The following ROBO2 variants were observed in gnomAD, a reference collection of about 807,000 sequenced individuals.
The protein encoded by ROBO2 is roundabout homolog 2.
In ROBO2, 53 loss-of-function variants were observed where a neutral mutation model predicts 160.8. The observed-to-expected ratio is 0.33, with a 90% confidence interval of 0.26 to 0.41. ROBO2 has a LOEUF of 0.41. Ranked by LOEUF, ROBO2 falls within the 10% of genes least tolerant of loss-of-function variation. The probability of loss-of-function intolerance (pLI) is 1.00; values close to 1 mark genes in which losing one functional copy is unlikely to be tolerated. For missense variants in ROBO2, 1,577 were observed against 1,722.4 expected, an observed-to-expected ratio of 0.92 and a Z score of 1.49; for synonymous variants, 664 against 611.7, an observed-to-expected ratio of 1.09 and a Z score of -1.26.
At chr3:76,879,001 G>T (rs1325449282) in intron 2 of ROBO2, among the ~76,000 whole-genome samples, 1 of 152,136 alleles carries the variant, frequency 6.6e-6, no homozygotes, top group Non-Finnish European at 1.5e-5. Context: ...TCAGAAATAT[G>T]TAGAGGGAAT....
intron 2 of ROBO2, among the ~76,000 whole-genome samples, chr3:77,404,921 T>C (rs2076136903): frequency 6.6e-6 from 1 of 152,170 alleles, no homozygotes; most frequent in African/African-American, 2.4e-5. Context: ...TGATGTCTTC[T>C]CTTGTCTGAA....
intron 2 of ROBO2, among the ~76,000 whole-genome samples, chr3:76,949,985 A>G (rs1213687506): frequency 6.6e-6 from 1 of 152,232 alleles, no homozygotes; most frequent in Non-Finnish European, 1.5e-5. Context: ...AGCTGAACCT[A>G]TTCTCTTTCT....
intron 2 of ROBO2, among the ~76,000 whole-genome samples, chr3:76,168,785 G>T (rs1182417184): frequency 1.3e-5 from 2 of 151,596 alleles, no homozygotes; most frequent in Admixed American, 1.3e-4. Flanking sequence ...AAATATAAGT[G>T]TAATGCAATG....
chr3:76,552,333 A>G (rs1330960631), intron 2 of ROBO2, among the ~76,000 whole-genome samples: 1 of 152,190 alleles, frequency 6.6e-6, no homozygotes. Flanking sequence ...TCATGAAGAG[A>G]AATCCAGATT....
intron 1 of ROBO2, among the ~76,000 whole-genome samples, chr3:77,073,604 C>T (rs557226022): frequency 8.5e-5 from 13 of 152,188 alleles, no homozygotes; most frequent in Non-Finnish European, 1.9e-4. Context: ...CTGTTAACCA[C>T]TTTAAAGCAA....
At chr3:77,563,246 T>A (rs1448130545) in exon 11 of ROBO2, 1 of 1,613,586 alleles carries the variant, frequency 6.2e-7, no homozygotes, top group Non-Finnish European at 8.5e-7. Context: ...TCACTGATGT[T>A]ACTAAGAACA....
intron 2 of ROBO2, among the ~76,000 whole-genome samples, chr3:76,349,905 G>A (rs970127282): frequency 5.9e-5 from 9 of 152,160 alleles, no homozygotes; most frequent in Admixed American, 2.0e-4. Flanking sequence ...AAGCATGCCC[G>A]CCCATTGCTC....
At chr3:76,665,245 T>C (rs1200829320) in intron 2 of ROBO2, among the ~76,000 whole-genome samples, 1 of 152,142 alleles carries the variant, frequency 6.6e-6, no homozygotes, top group African/African-American at 2.4e-5. Flanking sequence ...TAAGTCCTGA[T>C]AACATCCAAC....
intron 2 of ROBO2, among the ~76,000 whole-genome samples, chr3:76,229,342 T>A (rs1284385933): frequency 6.6e-6 from 1 of 152,142 alleles, no homozygotes; most frequent in Non-Finnish European, 1.5e-5. Context: ...CCAATGAAAC[T>A]AGACCAGTTT....
At chr3:75,994,460 G>C (rs2065668186) in intron 2 of ROBO2, among the ~76,000 whole-genome samples, 1 of 152,142 alleles carries the variant, frequency 6.6e-6, no homozygotes, top group Admixed American at 6.5e-5. Context: ...TCATGATAAT[G>C]AGTGAGTTCT....
chr3:76,890,618 T>C (rs1041997123), intron 2 of ROBO2, among the ~76,000 whole-genome samples: 28 of 152,174 alleles, frequency 1.8e-4, no homozygotes, highest in Non-Finnish European at 3.4e-4. Flanking sequence ...AAATATATAT[T>C]GCTATGGTGA....
rs1173924890 is a variant in ROBO2, at chr3:76,038,786, G to GTA, written c.109+101185_109+101186insAT. 6.3e-5 allele frequency among the ~76,000 whole-genome samples: 7 copies of GTA among 110,398 alleles called. No homozygotes were observed. The East Asian group carries it at 1.7e-3, about 27-fold the overall frequency. 72.4% of individuals were successfully genotyped at this position (110,398 alleles called of 152,430 possible). Reference sequence around the variant, plus strand: ...AAACTGCGTGTGTGTGTGTGTGTGTGTGTGTATGTATGTGTGTGTGTGTGT... The same window carrying GTA: ...AAACTGCGTGTGTGTGTGTGTGTGTGTATGTGTATGTATGTGTGTGTGTGTGT... On this transcript the variant is annotated intron_variant, in intron 2 of 26. Coordinates refer to the ROBO2 transcript ENST00000487694.
intron 2 of ROBO2, among the ~76,000 whole-genome samples, chr3:77,292,695 GC>G (rs2061456504): frequency 2.1e-5 from 2 of 95,630 alleles, no homozygotes; most frequent in Non-Finnish European, 2.9e-5. Context: ...GTAAGCTGAG[GC>G]TAGATCACCC....
At chr3:77,375,716 A>C (rs1308006754) in intron 2 of ROBO2, among the ~76,000 whole-genome samples, 1 of 152,178 alleles carries the variant, frequency 6.6e-6, no homozygotes, top group African/African-American at 2.4e-5. Flanking sequence ...TCTTCCTTTC[A>C]TTCTAGGACA....
intron 2 of ROBO2, among the ~76,000 whole-genome samples, chr3:76,384,634 G>A (rs2076794047): frequency 6.6e-6 from 1 of 152,148 alleles, no homozygotes; most frequent in Non-Finnish European, 1.5e-5. Flanking sequence ...GGACTGGGGA[G>A]GCCTCAAGAA....
chr3:77,025,190 T>G (rs988525080), intron 2 of ROBO2, among the ~76,000 whole-genome samples: 1 of 152,204 alleles, frequency 6.6e-6, no homozygotes, highest in Non-Finnish European at 1.5e-5. Flanking sequence ...TTTTTATTAT[T>G]AGGCATTTAA....
chr3:76,794,778 G>A (rs1323349859), intron 2 of ROBO2, among the ~76,000 whole-genome samples: 1 of 152,016 alleles, frequency 6.6e-6, no homozygotes, highest in Non-Finnish European at 1.5e-5. Flanking sequence ...CTTCGTGGAA[G>A]TCTTTTCACA....
At chr3:77,279,251 A>G (rs1376782624) in intron 2 of ROBO2, among the ~76,000 whole-genome samples, 1 of 152,070 alleles carries the variant, frequency 6.6e-6, no homozygotes, top group African/African-American at 2.4e-5. Context: ...ATTGCCCATG[A>G]CCATAAATTT....
intron 2 of ROBO2, among the ~76,000 whole-genome samples, chr3:76,042,542 C>G (rs778172540): frequency 5.3e-5 from 8 of 151,936 alleles, no homozygotes; most frequent in Non-Finnish European, 1.2e-4. Flanking sequence ...TATTTTTACC[C>G]TTGAGGGAAG....
Sources: gnomAD v4.1 joint callset for allele counts (sites outside exome capture counted in the v4.1 genomes callset) on GRCh38, gnomAD v4.1.1 for gene constraint, MANE v1.5 for transcripts, NCBI Gene and HGNC (gene_info 2026-07-23, HGNC 2026-07-21) for gene names.